The following PTPRK variants were observed in gnomAD, a reference collection of about 807,000 sequenced individuals.
PTPRK encodes the protein protein tyrosine phosphatase receptor type K.
PTPRK carries 75 observed loss-of-function variants against 178.0 expected under a neutral mutation model. The ratio of observed to expected loss-of-function variants is 0.42; its 90% CI spans 0.35 to 0.51. PTPRK has a LOEUF of 0.51. Among genes scored for constraint, PTPRK ranks in the 20% least tolerant of loss-of-function variants. The pLI, the probability that PTPRK is intolerant of heterozygous loss-of-function variation, is 0.02. For missense variants in PTPRK, 1,441 were observed against 1,797.8 expected (o/e 0.80, Z 3.59); for synonymous variants, 637 against 620.6 (o/e 1.03, Z -0.39).
intron 3 of PTPRK, chr6:128,321,697 G>C (rs1033494393): frequency 1.5e-6 from 1 of 659,896 alleles, no homozygotes; most frequent in Non-Finnish European, 2.7e-6. Context: ...GAACAAAGCT[G>C]TAGGAAAGAA....
rs1196326387 is a variant in PTPRK at position 127,997,008 on chromosome 6, A to C, written c.2680-20T>G. ...AAAGCTCTGGGAAAACAAAACGAAT[A>C]AGCAGACTGAATTTAATTCCTTTTT... is the stretch of plus-strand genomic sequence containing the variant. On this transcript the variant is annotated intron_variant, in intron 16 of 29. Coordinates refer to ENST00000368226, the MANE Select transcript of PTPRK (RefSeq NM_002844.4). 4 of 1,603,196 alleles carry C rather than the reference A, an allele frequency of 2.5e-6. No individual in the cohort carries two copies. The African/African-American group carries it at 4.0e-5, about 16-fold the overall frequency.
At chr6:128,270,580 C>T (rs1432841086) in intron 3 of PTPRK, among the ~76,000 whole-genome samples, 1 of 152,140 alleles carries the variant, frequency 6.6e-6, no homozygotes, top group Non-Finnish European at 1.5e-5. Context: ...TCCATTAAAA[C>T]TGCAATTCCA....
At chr6:128,260,995 A>T (rs1818091303) in intron 3 of PTPRK, among the ~76,000 whole-genome samples, 1 of 152,096 alleles carries the variant, frequency 6.6e-6, no homozygotes, top group Non-Finnish European at 1.5e-5. Context: ...TGAGGTCTCT[A>T]CTTAGTATTT....
chr6:128,298,879 G>A (rs1825003445), intron 3 of PTPRK, among the ~76,000 whole-genome samples: 1 of 152,118 alleles, frequency 6.6e-6, no homozygotes, highest in South Asian at 2.1e-4. Context: ...GGGCAATTAG[G>A]CAGGAGAAGG....
intron 1 of PTPRK, among the ~76,000 whole-genome samples, chr6:128,494,100 G>A (rs540563820): frequency 2.6e-5 from 4 of 151,690 alleles, no homozygotes; most frequent in African/African-American, 9.7e-5. Flanking sequence ...GAGGCAGGAG[G>A]ATGGCTTGAG....
chr6:128,053,602 C>T (rs951779424), intron 13 of PTPRK, among the ~76,000 whole-genome samples: 21 of 152,228 alleles, frequency 1.4e-4, no homozygotes, highest in African/African-American at 4.8e-4. Flanking sequence ...CTCCAAAACC[C>T]CAACAGTTCA....
intron 1 of PTPRK, among the ~76,000 whole-genome samples, chr6:128,427,863 CGGGCAGATCATGA>C (rs993378239): frequency 6.6e-6 from 1 of 152,066 alleles, no homozygotes; most frequent in African/African-American, 2.4e-5. Flanking sequence ...GAGGCTGAGG[CGGGCAGATCATGA>C]GGTCAGGAGA....
rs1450899168 is a variant in PTPRK at position 128,398,614 on chromosome 6, CTT to C, written c.101-928_101-927del. ...CTAACATCTTTGCTTTAAAAGAACT[CTT>C]TGAAATCTCATAATAGCCAATGAAA... On this transcript the variant is annotated intron_variant, in intron 1 of 29. Coordinates refer to ENST00000368226, the MANE Select transcript of PTPRK (RefSeq NM_002844.4). 2.0e-5 allele frequency among the ~76,000 whole-genome samples: 3 copies of C among 152,250 alleles called. No homozygotes were observed. The East Asian group carries it at 5.8e-4, about 29-fold the overall frequency.
intron 7 of PTPRK, among the ~76,000 whole-genome samples, chr6:128,170,241 G>T (rs1800038633): frequency 6.6e-6 from 1 of 151,932 alleles, no homozygotes; most frequent in Admixed American, 6.6e-5. Flanking sequence ...AAACTCCCCT[G>T]CAGGCCACAA....
chr6:128,331,291 T>C (rs1010118341), intron 2 of PTPRK, among the ~76,000 whole-genome samples: 20 of 152,298 alleles, frequency 1.3e-4, no homozygotes, highest in Middle Eastern at 3.4e-3. Flanking sequence ...TGCTCTTTTA[T>C]GTACAAAATA....
At chr6:128,223,741 A>G (rs1484852940) in intron 5 of PTPRK, among the ~76,000 whole-genome samples, 1 of 152,164 alleles carries the variant, frequency 6.6e-6, no homozygotes, top group Non-Finnish European at 1.5e-5. Flanking sequence ...CTTTTCTGAT[A>G]CAGTCATATC....
At chr6:128,064,128 CT>C (rs1264918431) in intron 13 of PTPRK, among the ~76,000 whole-genome samples, 2 of 152,160 alleles carry the variant, frequency 1.3e-5, no homozygotes, top group Admixed American at 6.6e-5. Flanking sequence ...ATGTAGGAGA[CT>C]TTCCCCCACT....
At position 128,089,901 on chromosome 6, in the gene PTPRK, C is replaced by T. The variant is rs368559795; in HGVS notation, c.1254G>A (p.Thr418=). Residue 418 remains threonine, a synonymous_variant, in exon 8 of 30, where the codon ACG becomes ACA. Coordinates refer to ENST00000368226, the MANE Select transcript of PTPRK (RefSeq NM_002844.4). ...TAGTGACATTAAAAGTGTGGCAACG[C>T]GTAATGTTGTAACCCAAGGATTCCC... ...VDWESLGYNI[T]RCHTFNVTIC... 2.1e-5 allele frequency: 34 copies of T among 1,612,426 alleles called. No individual in the cohort carries two copies. The highest frequency in any genetic ancestry group is 1.2e-4 in the South Asian group (11 of 91,050).
Position 127,977,049 on chromosome 6 carries a change from G to A in PTPRK, c.3717C>T (p.Tyr1239=). Residue 1239 remains tyrosine (Y), a synonymous_variant, in exon 26 of 30, where the codon TAC becomes TAT. Transcript: ENST00000368226. ...TGACGATGAAAGCAGCTGGTTGCCTGTAGCTCTGTGAAGAAACAAGGTAGA... is the reference window on the plus strand; with the variant it reads ...TGACGATGAAAGCAGCTGGTTGCCTATAGCTCTGTGAAGAAACAAGGTAGA... The part of the protein sequence containing the change: ...NYINAALMDS[Y]RQPAAFIVTQ... 1 of 1,613,858 alleles carries A rather than the reference G, an allele frequency of 6.2e-7. No individual in the cohort carries two copies. The highest frequency in any genetic ancestry group is 2.2e-5 in the East Asian group (1 of 44,870).
chr6:128,217,392 A>G lies in PTPRK; in HGVS notation c.868+1530T>C, dbSNP rs139665832. On this transcript the variant is annotated intron_variant, in intron 6 of 29. Transcript: ENST00000368226. ...ATAGAGTCTTCCAAGACTAAAGTTT[A>G]CAAGAGGTTGATCGCATCATCCAAT... Among the ~76,000 whole-genome samples the G allele has an allele frequency of 3.6e-3, 547 of 152,286 alleles. 5 individuals carry two copies. Among genetic ancestry groups the G allele is most frequent in the African/African-American group, 0.012 (502 of 41,568 alleles).
At chr6:128,278,127 ATTTATT>A in intron 3 of PTPRK, among the ~76,000 whole-genome samples, 1 of 76,262 alleles carries the variant, frequency 1.3e-5, no homozygotes, top group East Asian at 7.0e-4. Flanking sequence ...TGTGTTTTTT[ATTTATT>A]TATTTATTTA....
At chr6:128,177,703 A>T (rs554990778) in intron 7 of PTPRK, among the ~76,000 whole-genome samples, 1 of 151,922 alleles carries the variant, frequency 6.6e-6, no homozygotes, top group South Asian at 2.1e-4. Context: ...GTGAAACCCA[A>T]AAGGTACTGG....
intron 17 of PTPRK, among the ~76,000 whole-genome samples, 155 bp downstream of exon 17, chr6:127,996,746 C>T (rs1411188674): frequency 6.6e-6 from 1 of 152,130 alleles, no homozygotes; most frequent in African/African-American, 2.4e-5. Context: ...GCTGGGATTA[C>T]AGGCATGAGC....
intron 7 of PTPRK, among the ~76,000 whole-genome samples, chr6:128,181,213 T>C (rs938325479): frequency 3.9e-5 from 6 of 152,176 alleles, no homozygotes; most frequent in African/African-American, 1.2e-4. Flanking sequence ...TGCTGGAAAA[T>C]TATTTATTGA....
Sources: allele counts gnomAD v4.1 joint callset (sites outside exome capture counted in the v4.1 genomes callset), GRCh38; gene constraint gnomAD v4.1.1; transcripts MANE v1.5; gene names NCBI Gene and HGNC (gene_info 2026-07-23, HGNC 2026-07-21).